The following KCNIP1 variants were observed in gnomAD, a reference collection of about 807,000 sequenced individuals.
KCNIP1 encodes the protein potassium voltage-gated channel interacting protein 1.
In KCNIP1, 18 loss-of-function variants were observed where a neutral mutation model predicts 33.0. That is an observed-to-expected ratio of 0.55 (90% CI 0.38 to 0.81). The LOEUF (loss-of-function observed/expected upper bound fraction) is 0.81, where lower values mean the gene tolerates loss of function less well. Among genes scored for constraint, KCNIP1 ranks in the 30% least tolerant of loss-of-function variants. The pLI, the probability that KCNIP1 is intolerant of heterozygous loss-of-function variation, is 0.00. For missense variants in KCNIP1, 238 were observed against 271.6 expected (o/e 0.88, Z 0.87); for synonymous variants, 93 against 98.3 (o/e 0.95, Z 0.32).
At chr5:170,364,421 A>G (rs1026591833) in intron 1 of KCNIP1, among the ~76,000 whole-genome samples, 1 of 152,190 alleles carries the variant, frequency 6.6e-6, no homozygotes, top group Non-Finnish European at 1.5e-5. Context: ...TTATCCATTG[A>G]TGGACCATTC....
intron 1 of KCNIP1, among the ~76,000 whole-genome samples, chr5:170,401,618 C>G (rs1288162301): frequency 6.6e-6 from 1 of 152,062 alleles, no homozygotes; most frequent in Non-Finnish European, 1.5e-5. Flanking sequence ...TTTAATGAGC[C>G]AGGCATGGTG....
intron 1 of KCNIP1, among the ~76,000 whole-genome samples, chr5:170,542,336 T>C (rs1756243315): frequency 6.6e-6 from 1 of 152,194 alleles, no homozygotes. Context: ...CATGTGGCAC[T>C]GGGCAGGTTC....
rs553250051 is a variant in KCNIP1 at position 170,672,178 on chromosome 5, T to C, written c.62-46580T>C. Among the ~76,000 whole-genome samples, 6 of 152,264 alleles carry C rather than the reference T, an allele frequency of 3.9e-5. No individual in the cohort carries two copies. The South Asian group carries it at 1.2e-3, about 32-fold the overall frequency. ...CCTGGCACTGGAAACAAAATGCAAG[T>C]CACTTCGTGGACTGAGACCTGGATG... is the stretch of plus-strand genomic sequence containing the variant. On this transcript the variant is annotated intron_variant, in intron 1 of 7. Transcript: ENST00000328939.
intron 1 of KCNIP1, among the ~76,000 whole-genome samples, chr5:170,587,775 C>T (rs1412915626): frequency 2.0e-5 from 3 of 152,220 alleles, no homozygotes; most frequent in African/African-American, 7.2e-5. Context: ...TCTCAAAATC[C>T]TTAAGTTGAT....
At chr5:170,378,930 C>CG (rs752545904) in intron 1 of KCNIP1, 5 of 1,614,022 alleles carry the variant, frequency 3.1e-6, no homozygotes, top group Non-Finnish European at 4.2e-6. Context: ...CACGTCGGCC[C>CG]GGGCCGTCTG....
At chr5:170,503,175 A>G (rs887886714), upstream of KCNIP1, among the ~76,000 whole-genome samples, 4 of 152,040 alleles carry the variant, frequency 2.6e-5, no homozygotes, top group Non-Finnish European at 5.9e-5. Context: ...GGATCACCTG[A>G]GGTCAGGAGT....
intron 1 of KCNIP1, among the ~76,000 whole-genome samples, chr5:170,470,358 G>T (rs1487151677): frequency 1.3e-5 from 2 of 151,934 alleles, no homozygotes; most frequent in Non-Finnish European, 2.9e-5. Flanking sequence ...TAACAGAATT[G>T]CCCTATGCCC....
rs182534700 is a variant in KCNIP1 at position 170,568,010 on chromosome 5, C to T, written c.61+63377C>T. 1.2e-3 allele frequency among the ~76,000 whole-genome samples: 181 copies of T among 152,306 alleles called. 1 individual carries two copies. The highest frequency in any genetic ancestry group is 3.1e-3 in the Admixed American group (48 of 15,310). On this transcript the variant is annotated intron_variant, in intron 1 of 7. Transcript: ENST00000328939. ...AGCCAGGTCAATGGAGTTCTAAATCCCTGATCAGCAACCTTCTACAGATGT... is the reference window on the plus strand; with the variant it reads ...AGCCAGGTCAATGGAGTTCTAAATCTCTGATCAGCAACCTTCTACAGATGT...
chr5:170,676,112 G>GAAGGGAGGAAGAAGT (rs1762126503), intron 1 of KCNIP1, among the ~76,000 whole-genome samples: 1 of 94,568 alleles, frequency 1.1e-5, no homozygotes. Flanking sequence ...GAGGAAGAAG[G>GAAGGGAGGAAGAAGT]GAGGGAGGGA....
At chr5:170,552,202 C>T (rs1437784632) in intron 1 of KCNIP1, among the ~76,000 whole-genome samples, 1 of 152,178 alleles carries the variant, frequency 6.6e-6, no homozygotes, top group Non-Finnish European at 1.5e-5. Context: ...GGCCACATCT[C>T]TTGGCGTCTG....
chr5:170,684,429 G>A (rs187652016), intron 1 of KCNIP1, among the ~76,000 whole-genome samples: 216 of 152,288 alleles, frequency 1.4e-3, no homozygotes, highest in African/African-American at 4.6e-3. Flanking sequence ...TCTTTGGCTT[G>A]TGGCAGCATC....
intron 1 of KCNIP1, among the ~76,000 whole-genome samples, chr5:170,366,877 G>T (rs928334261): frequency 2.0e-5 from 3 of 152,134 alleles, no homozygotes; most frequent in Non-Finnish European, 2.9e-5. Context: ...CTTCATCTCT[G>T]CACTCTCCCC....
chr5:170,593,710 G>A (rs1169042623), intron 1 of KCNIP1, among the ~76,000 whole-genome samples: 2 of 152,096 alleles, frequency 1.3e-5, no homozygotes, highest in Non-Finnish European at 2.9e-5. Flanking sequence ...CATCATCCCC[G>A]GCTGGGCAGG....
intron 1 of KCNIP1, among the ~76,000 whole-genome samples, chr5:170,362,303 C>T (rs1452633959): frequency 3.3e-5 from 5 of 152,114 alleles, no homozygotes; most frequent in Non-Finnish European, 7.4e-5. Context: ...CCCTCCCCAG[C>T]CCATCCCCAG....
chr5:170,633,746 G>GGGGGGGACGGAGGGGGGGC (rs1760171660), intron 1 of KCNIP1, among the ~76,000 whole-genome samples: 1 of 31,890 alleles, frequency 3.1e-5, no homozygotes, highest in Non-Finnish European at 7.6e-5. Context: ...AGGGGGGGGC[G>GGGGGGGACGGAGGGGGGGC]GGGGGCGGGG....
At chr5:170,559,567 T>G (rs928609670) in intron 1 of KCNIP1, among the ~76,000 whole-genome samples, 1 of 152,190 alleles carries the variant, frequency 6.6e-6, no homozygotes, top group African/African-American at 2.4e-5. Context: ...AGGCTGAGTC[T>G]TATGTTTGGG....
Position 170,570,306 on chromosome 5 carries a change from A to G in KCNIP1, c.61+65673A>G, listed in dbSNP as rs189029753. The stretch of plus-strand genomic sequence containing the variant: ...TAGTCTTCTTCTGATCATGCTTTTC[A>G]TAATAATCATCTTAATCATTACTGG... On this transcript the variant is annotated intron_variant, in intron 1 of 7. Transcript: ENST00000328939. 2.7e-3 allele frequency among the ~76,000 whole-genome samples: 418 copies of G among 152,338 alleles called. 3 individuals carry two copies. Among genetic ancestry groups the G allele is most frequent in the African/African-American group, 9.3e-3 (388 of 41,574 alleles).
chr5:170,396,138 C>T (rs905718140), intron 1 of KCNIP1, among the ~76,000 whole-genome samples: 7 of 152,146 alleles, frequency 4.6e-5, no homozygotes, highest in African/African-American at 1.4e-4. Context: ...ACTGGGAAAC[C>T]TGAGGAGGTA....
At chr5:170,539,679 C>T (rs1756123815) in intron 1 of KCNIP1, among the ~76,000 whole-genome samples, 1 of 152,152 alleles carries the variant, frequency 6.6e-6, no homozygotes, top group African/African-American at 2.4e-5. Flanking sequence ...GACTTCAAGC[C>T]CCCGAAGAGC....
Sources: allele counts gnomAD v4.1 joint callset (sites outside exome capture counted in the v4.1 genomes callset), GRCh38; gene constraint gnomAD v4.1.1; transcripts MANE v1.5; gene names NCBI Gene and HGNC (gene_info 2026-07-23, HGNC 2026-07-21).